Variants in C2orf49 observed in about 807,000 individuals in gnomAD.
C2orf49 encodes the protein tRNA splicing ligase complex subunit 2.
Under a neutral mutation model 20.6 loss-of-function variants are expected in C2orf49, and 11 were observed. The ratio of observed to expected loss-of-function variants is 0.53; its 90% CI spans 0.34 to 0.88. The LOEUF (loss-of-function observed/expected upper bound fraction) is 0.88. Among genes scored for constraint, C2orf49 ranks in the 40% least tolerant of loss-of-function variants. The pLI is 0.02. For missense variants in C2orf49, 289 were observed against 274.2 expected (o/e 1.05, Z -0.38); for synonymous variants, 134 against 108.5 (o/e 1.24, Z -1.46).
At chr2:105,371,117 C>G in the C2orf49 span, among the ~76,000 whole-genome samples, 1,641 of 152,220 alleles carry the variant, frequency 0.011, 21 homozygotes, top group African/African-American at 0.037. Flanking sequence ...CTTTCCCTCC[C>G]CAGTAAACAC....
the C2orf49 span, among the ~76,000 whole-genome samples, chr2:105,380,338 A>T: frequency 6.6e-6 from 1 of 152,080 alleles, no homozygotes; most frequent in Non-Finnish European, 1.5e-5. Flanking sequence ...ACCTGTGAAG[A>T]CCTAGTGCCA....
At chr2:105,339,792 TAAAG>T in intron 2 of C2orf49, 43 bp downstream of exon 2, 3 of 1,457,130 alleles carry the variant, frequency 2.1e-6, no homozygotes, top group Non-Finnish European at 2.7e-6. Flanking sequence ...CTTATATAAC[TAAAG>T]TTATATATAA....
the C2orf49 span, among the ~76,000 whole-genome samples, chr2:105,374,866 G>C: frequency 6.6e-6 from 1 of 152,158 alleles, no homozygotes; most frequent in Admixed American, 6.5e-5. Context: ...TATACATGAG[G>C]CAGAAACAGA....
In C2orf49 at chr2:105,345,355, A is replaced by G. The variant is rs888184573; in HGVS notation, c.683A>G (p.His228Arg). 3.7e-6 allele frequency: 6 copies of G among 1,613,390 alleles called. No individual in the cohort carries two copies. Among genetic ancestry groups the G allele is most frequent in the Non-Finnish European group, 5.1e-6 (6 of 1,179,784 alleles). ...KPPQAKRKIQ[H>R]VTWP is the part of the protein sequence containing the mutation. ...CCACAAGCAAAAAGGAAGATACAAC[A>G]TGTTACTTGGCCCTGAAGAAAAGTT... Residue 228 changes from histidine to arginine, a missense_variant, in exon 4 of 4, where the codon CAT becomes CGT. Physicochemically the swap from His to Arg is conservative, Grantham distance 29. Coordinates refer to ENST00000258457, the MANE Select transcript of C2orf49 (RefSeq NM_024093.3).
the C2orf49 span, chr2:105,377,925 G>A: frequency 3.5e-3 from 1,391 of 402,680 alleles, 18 homozygotes; most frequent in African/African-American, 0.027. Flanking sequence ...GCCCAGAGGG[G>A]TGGCAAGTTA....
the C2orf49 span, among the ~76,000 whole-genome samples, chr2:105,355,048 T>C: frequency 6.6e-6 from 1 of 152,128 alleles, no homozygotes. Context: ...CAGCTGTAGT[T>C]TAGGTGACTG....
chr2:105,378,293 T>C, the C2orf49 span: 12 of 429,082 alleles, frequency 2.8e-5, no homozygotes, highest in African/African-American at 2.2e-4. Context: ...ATTATCCACA[T>C]GTTACTGGAC....
chr2:105,358,337 G>A, the C2orf49 span: 1 of 152,402 alleles, frequency 6.6e-6, no homozygotes, highest in East Asian at 1.9e-4. Context: ...CCTTCTCTGT[G>A]AGTGGGTTGA....
At chr2:105,341,953 C>T (rs1240628827) in intron 2 of C2orf49, among the ~76,000 whole-genome samples, 1 of 152,158 alleles carries the variant, frequency 6.6e-6, no homozygotes, top group Non-Finnish European at 1.5e-5. Flanking sequence ...GGGCGGATTA[C>T]CCTGAGGTCA....
At chr2:105,351,400 C>T (rs542300731), downstream of C2orf49, among the ~76,000 whole-genome samples, 2 of 141,054 alleles carry the variant, frequency 1.4e-5, no homozygotes, top group East Asian at 2.2e-4. Context: ...TTAAGGAATG[C>T]AGAGTTACTT....
At chr2:105,361,315 T>C in the C2orf49 span, 18 of 1,614,000 alleles carry the variant, frequency 1.1e-5, no homozygotes, top group Non-Finnish European at 1.5e-5. Flanking sequence ...GGGCACAGGA[T>C]GTCGTCCCTC....
the C2orf49 span, chr2:105,378,399 A>G: frequency 2.9e-6 from 1 of 347,642 alleles, no homozygotes; most frequent in South Asian, 2.2e-5. Context: ...TGAAGGCCGC[A>G]TTCTCTCAGG....
At chr2:105,360,542 G>C in the C2orf49 span, 1 of 152,414 alleles carries the variant, frequency 6.6e-6, no homozygotes, top group East Asian at 1.9e-4. Context: ...ATTTTTCGTA[G>C]AGACGGGGTT....
chr2:105,380,055 A>T, the C2orf49 span, among the ~76,000 whole-genome samples: 1 of 152,136 alleles, frequency 6.6e-6, no homozygotes, highest in Non-Finnish European at 1.5e-5. Context: ...TTCCTCCTGG[A>T]CTCGCTTCTT....
At chr2:105,375,816 G>T in the C2orf49 span, 1 of 152,210 alleles carries the variant, frequency 6.6e-6, no homozygotes, top group African/African-American at 2.4e-5. Flanking sequence ...CCCAAACTGG[G>T]TATGCACTGG....
the C2orf49 span, among the ~76,000 whole-genome samples, chr2:105,355,103 GGGAACCTAATA>G: frequency 6.6e-6 from 1 of 152,086 alleles, no homozygotes; most frequent in East Asian, 1.9e-4. Context: ...GTTCCAAGAG[GGGAACCTAATA>G]GGTATGACCT....
chr2:105,383,848 G>A, the C2orf49 span, among the ~76,000 whole-genome samples: 1 of 152,180 alleles, frequency 6.6e-6, no homozygotes, highest in Non-Finnish European at 1.5e-5. Flanking sequence ...CCAAGGTCTC[G>A]CTTCAACTCA....
At chr2:105,341,912 T>G (rs1423613940) in intron 2 of C2orf49, among the ~76,000 whole-genome samples, 1 of 152,230 alleles carries the variant, frequency 6.6e-6, no homozygotes, top group Non-Finnish European at 1.5e-5. Flanking sequence ...GAGCAGTGGC[T>G]CACGCCTGTA....
chr2:105,382,191 G>A, the C2orf49 span, among the ~76,000 whole-genome samples: 1 of 152,218 alleles, frequency 6.6e-6, no homozygotes, highest in South Asian at 2.1e-4. Context: ...TGGAAAGAGA[G>A]TTTGTGAAAC....
Sources: allele counts gnomAD v4.1 joint callset (sites outside exome capture counted in the v4.1 genomes callset), GRCh38; gene constraint gnomAD v4.1.1; transcripts MANE v1.5; gene names NCBI Gene and HGNC (gene_info 2026-07-23, HGNC 2026-07-21).